GPC5: variants seen among roughly 807,000 people sequenced by gnomAD.
The protein encoded by GPC5 is glypican 5.
In GPC5, 47 loss-of-function variants were observed where a neutral mutation model predicts 53.9. The ratio of observed to expected loss-of-function variants is 0.87; its 90% CI spans 0.69 to 1.11. The LOEUF (loss-of-function observed/expected upper bound fraction) is 1.11, where lower values mean the gene tolerates loss of function less well. Ranked by LOEUF, GPC5 falls within the 50% of genes most tolerant of loss-of-function variation. The probability of loss-of-function intolerance (pLI) is 0.00; values close to 1 mark genes in which losing one functional copy is unlikely to be tolerated. For missense variants in GPC5, 748 were observed against 713.1 expected (o/e 1.05, Z -0.56); for synonymous variants, 286 against 263.3 (o/e 1.09, Z -0.84).
intron 7 of GPC5, among the ~76,000 whole-genome samples, chr13:92,491,489 A>G (rs1398953046): frequency 6.6e-6 from 1 of 152,042 alleles, no homozygotes; most frequent in Non-Finnish European, 1.5e-5. Context: ...TTTGATCAAT[A>G]TTTTCTCATG....
chr13:92,860,371 C>G (rs4142966), intron 7 of GPC5, among the ~76,000 whole-genome samples: 28,910 of 151,990 alleles, frequency 0.19, 3,622 homozygotes, highest in Non-Finnish European at 0.28. Context: ...TACAGTCACT[C>G]TTCTTTGGTT....
At chr13:91,642,472 A>G (rs2034452994) in intron 2 of GPC5, among the ~76,000 whole-genome samples, 1 of 152,164 alleles carries the variant, frequency 6.6e-6, no homozygotes, top group Admixed American at 6.5e-5. Context: ...GGAAAACTAG[A>G]GTGGAGTGTT....
At chr13:92,201,043 T>C (rs1376766197) in intron 7 of GPC5, among the ~76,000 whole-genome samples, 1 of 151,992 alleles carries the variant, frequency 6.6e-6, no homozygotes, top group Non-Finnish European at 1.5e-5. Flanking sequence ...CTTCTCTCTC[T>C]TCCTATTCTT....
chr13:91,570,535 T>C (rs1408496431), intron 2 of GPC5, among the ~76,000 whole-genome samples: 1 of 152,222 alleles, frequency 6.6e-6, no homozygotes, highest in Non-Finnish European at 1.5e-5. Flanking sequence ...AATGGGTGCC[T>C]ATGATTATGT....
At chr13:92,179,842 C>T (rs1426879894) in intron 7 of GPC5, among the ~76,000 whole-genome samples, 1 of 152,080 alleles carries the variant, frequency 6.6e-6, no homozygotes, top group African/African-American at 2.4e-5. Context: ...AAACAGATAA[C>T]ATTTGACATC....
intron 7 of GPC5, among the ~76,000 whole-genome samples, chr13:92,516,766 G>C (rs753408941): frequency 2.6e-5 from 4 of 152,130 alleles, no homozygotes; most frequent in Non-Finnish European, 5.9e-5. Flanking sequence ...ATGCAGGATG[G>C]GTGATTTCTG....
intron 5 of GPC5, among the ~76,000 whole-genome samples, chr13:91,789,174 C>T (rs2037924725): frequency 2.0e-5 from 3 of 151,758 alleles, no homozygotes; most frequent in Admixed American, 1.3e-4. Flanking sequence ...GATCGTGCCA[C>T]TGCACTCTAG....
chr13:92,826,647 T>G (rs544434780), intron 7 of GPC5, among the ~76,000 whole-genome samples: 64 of 152,286 alleles, frequency 4.2e-4, no homozygotes, highest in Non-Finnish European at 7.4e-4. Flanking sequence ...GACAGAATTT[T>G]GGGGTCATTA....
At chr13:92,613,561 A>G (rs1291402747) in intron 7 of GPC5, among the ~76,000 whole-genome samples, 2 of 125,906 alleles carry the variant, frequency 1.6e-5, no homozygotes, top group African/African-American at 6.3e-5. Context: ...TTTATATACA[A>G]TAATATATAT....
chr13:91,819,692 A>G (rs539297053), intron 5 of GPC5, among the ~76,000 whole-genome samples: 107 of 152,314 alleles, frequency 7.0e-4, no homozygotes, highest in African/African-American at 2.5e-3. Context: ...GGGGCTATTC[A>G]GAATAACATT....
chr13:92,598,869 T>C (rs1162506219), intron 7 of GPC5, among the ~76,000 whole-genome samples: 1 of 152,170 alleles, frequency 6.6e-6, no homozygotes, highest in East Asian at 1.9e-4. Context: ...ATACAAAAAT[T>C]AGCTGGGTGT....
intron 7 of GPC5, among the ~76,000 whole-genome samples, chr13:92,270,280 C>T (rs1236167604): frequency 6.6e-6 from 1 of 152,010 alleles, no homozygotes; most frequent in African/African-American, 2.4e-5. Flanking sequence ...AATTGTAATC[C>T]CCACTGTTGG....
At chr13:92,525,227 C>T (rs1881226215) in intron 7 of GPC5, among the ~76,000 whole-genome samples, 2 of 151,944 alleles carry the variant, frequency 1.3e-5, no homozygotes, top group Non-Finnish European at 2.9e-5. Flanking sequence ...TGAATTTCTG[C>T]TGTTATTGCT....
chr13:91,582,251 C>A (rs538980480), intron 2 of GPC5, among the ~76,000 whole-genome samples: 71 of 152,290 alleles, frequency 4.7e-4, no homozygotes, highest in Non-Finnish European at 8.1e-4. Context: ...AGACATAGAA[C>A]AATCTCAGTT....
chr13:92,210,077 A>C (rs1156353933), intron 7 of GPC5, among the ~76,000 whole-genome samples: 1 of 152,086 alleles, frequency 6.6e-6, no homozygotes, highest in Non-Finnish European at 1.5e-5. Flanking sequence ...TTGAGGGTGG[A>C]TCGGCCTTTC....
chr13:92,648,014 A>G (rs531553205), intron 7 of GPC5, among the ~76,000 whole-genome samples: 2 of 151,578 alleles, frequency 1.3e-5, no homozygotes, highest in African/African-American at 4.8e-5. Context: ...TTGATTGCAT[A>G]TAACATGATA....
intron 7 of GPC5, among the ~76,000 whole-genome samples, chr13:92,590,958 A>T (rs1336376162): frequency 1.3e-5 from 2 of 152,270 alleles, no homozygotes; most frequent in African/African-American, 2.4e-5. Flanking sequence ...GTCTGTTCTG[A>T]TTCAGCAGTA....
chr13:92,602,908 G>A (rs1884127984), intron 7 of GPC5, among the ~76,000 whole-genome samples: 1 of 152,070 alleles, frequency 6.6e-6, no homozygotes, highest in African/African-American at 2.4e-5. Flanking sequence ...CACATGAGGT[G>A]TAGTCTGAAG....
intron 7 of GPC5, among the ~76,000 whole-genome samples, chr13:92,694,069 C>T (rs1205743760): frequency 1.3e-5 from 2 of 152,144 alleles, no homozygotes; most frequent in Admixed American, 1.3e-4. Flanking sequence ...TGTGCAAGAC[C>T]CAAACCTTGG....
Sources: allele counts gnomAD v4.1 joint callset (sites outside exome capture counted in the v4.1 genomes callset), GRCh38; gene constraint gnomAD v4.1.1; transcripts MANE v1.5; gene names NCBI Gene and HGNC (gene_info 2026-07-23, HGNC 2026-07-21).